Variants in GLIS3 observed in about 807,000 individuals in gnomAD.
GLIS3 encodes zinc finger protein GLIS3.
In GLIS3, 53 loss-of-function variants were observed where a neutral mutation model predicts 78.6. The observed-to-expected ratio is 0.67, with a 90% CI of 0.54 to 0.85. GLIS3 has a LOEUF of 0.85. Ranked by LOEUF, GLIS3 falls within the 40% of genes least tolerant of loss-of-function variation. The pLI, the probability that GLIS3 is intolerant of heterozygous loss-of-function variation, is 0.00. For synonymous variants in GLIS3, 684 were observed against 509.9 expected (o/e 1.34, Z -4.60); for missense variants, 1,703 against 1,231.1 (o/e 1.38, Z -5.74).
chr9:3,971,716 A>G (rs981761903), intron 4 of GLIS3, among the ~76,000 whole-genome samples: 1 of 152,298 alleles, frequency 6.6e-6, no homozygotes, highest in African/African-American at 2.4e-5. Flanking sequence ...TTTACACTTA[A>G]GCCTCTAATA....
chr9:4,020,169 AG>A (rs758397379), intron 4 of GLIS3, among the ~76,000 whole-genome samples: 35 of 152,198 alleles, frequency 2.3e-4, no homozygotes, highest in Non-Finnish European at 3.8e-4. Context: ...TTCAAAGCAA[AG>A]GGAACAGCCC....
intron 8 of GLIS3, among the ~76,000 whole-genome samples, chr9:3,857,891 C>T (rs970887811): frequency 5.3e-5 from 8 of 152,096 alleles, no homozygotes; most frequent in African/African-American, 1.7e-4. Context: ...GTGTTTTTAA[C>T]GTGTCTTACA....
chr9:4,217,522 C>T lies in GLIS3; in HGVS notation c.388+68516G>A, dbSNP rs73643718. Among the ~76,000 whole-genome samples, 1,341 of 152,214 alleles carry T rather than the reference C, an allele frequency of 8.8e-3. 24 individuals are homozygous for T. Among genetic ancestry groups the T allele is most frequent in the African/African-American group, 0.031 (1,280 of 41,520 alleles). On this transcript the variant is annotated intron_variant, in intron 2 of 10. Transcript: ENST00000381971. ...CTACTGTCCATGTGTCTCAAGGTAT[C>T]ATCTGCCTATAAAGAGATCAAGAAA...
the GLIS3 span, among the ~76,000 whole-genome samples, chr9:4,366,159 T>C: frequency 0.026 from 3,916 of 152,280 alleles, 182 homozygotes; most frequent in African/African-American, 0.09. Context: ...TGGAATTAAC[T>C]TTAACCGTCC....
intron 4 of GLIS3, among the ~76,000 whole-genome samples, chr9:4,059,823 T>TGAGAGAGAGAGA (rs1323533281): frequency 8.1e-6 from 1 of 123,876 alleles, no homozygotes; most frequent in African/African-American, 3.2e-5. Context: ...TGTGTGTGTG[T>TGAGAGAGAGAGA]GTGTGTGAGA....
At chr9:3,895,190 T>C (rs1299415689) in intron 7 of GLIS3, among the ~76,000 whole-genome samples, 4 of 152,238 alleles carry the variant, frequency 2.6e-5, no homozygotes, top group Non-Finnish European at 5.9e-5. Context: ...CCAGAAGATA[T>C]ACAAGCACTA....
chr9:3,828,318 A>C lies in GLIS3; in HGVS notation c.2747T>G (p.Val916Gly), dbSNP rs773150809. The change falls in exon 11 of 11, where the codon GTG becomes GGG. Residue 916 changes from valine to glycine, a missense_variant. Transcript: ENST00000381971. ...GGAGAGCTGGCTAGGACAGCGGTCC[A>C]CGGTGCTGATCTGCAAGAAGGTAGC... ...EDATFLQIST[V>G]DRCPSQLSSV... 4 of 1,613,584 alleles carry C rather than the reference A, an allele frequency of 2.5e-6. No individual in the cohort carries two copies. The East Asian group carries it at 8.9e-5, about 36-fold the overall frequency.
At chr9:4,460,252 T>G in the GLIS3 span, among the ~76,000 whole-genome samples, 1 of 152,122 alleles carries the variant, frequency 6.6e-6, no homozygotes, top group African/African-American at 2.4e-5. Flanking sequence ...AAAAGAAAGA[T>G]GACATCTGCA....
At chr9:4,058,077 TC>T (rs934653498) in intron 4 of GLIS3, among the ~76,000 whole-genome samples, 4 of 152,070 alleles carry the variant, frequency 2.6e-5, no homozygotes, top group Non-Finnish European at 5.9e-5. Flanking sequence ...AAAGAGAACA[TC>T]CCCTGATGCA....
At chr9:3,953,377 C>T (rs1024062304) in intron 4 of GLIS3, among the ~76,000 whole-genome samples, 5 of 152,092 alleles carry the variant, frequency 3.3e-5, no homozygotes, top group African/African-American at 1.2e-4. Flanking sequence ...TTTATGTGAT[C>T]AATATTGTAC....
intron 7 of GLIS3, among the ~76,000 whole-genome samples, chr9:3,893,032 T>A (rs1822565972): frequency 6.6e-6 from 1 of 152,192 alleles, no homozygotes; most frequent in African/African-American, 2.4e-5. Context: ...GGGTTTGTTG[T>A]ACACATTGTT....
chr9:4,129,449 TG>T (rs1832803056), intron 2 of GLIS3, among the ~76,000 whole-genome samples: 1 of 151,714 alleles, frequency 6.6e-6, no homozygotes, highest in South Asian at 2.1e-4. Flanking sequence ...TCATGGGGGG[TG>T]GATCCTTCAT....
At chr9:3,946,367 A>C (rs1816296896) in intron 4 of GLIS3, among the ~76,000 whole-genome samples, 1 of 152,218 alleles carries the variant, frequency 6.6e-6, no homozygotes, top group Non-Finnish European at 1.5e-5. Context: ...ACTCCTTGTA[A>C]GAATGCATAT....
At chr9:4,408,144 G>T in the GLIS3 span, among the ~76,000 whole-genome samples, 7 of 152,178 alleles carry the variant, frequency 4.6e-5, no homozygotes, top group Non-Finnish European at 1.0e-4. Context: ...GGAGAAAAGG[G>T]AACCCTCGTA....
the GLIS3 span, among the ~76,000 whole-genome samples, chr9:4,427,504 G>A: frequency 1.3e-5 from 2 of 152,148 alleles, no homozygotes; most frequent in African/African-American, 4.8e-5. Flanking sequence ...CCCAGTCCCA[G>A]ATAACAACTG....
rs191455634 is a variant in GLIS3 at position 4,298,320 on chromosome 9, A to G, written c.-99+1101T>C. 102 of 455,476 alleles carry G rather than the reference A, an allele frequency of 2.2e-4. 1 individual carries two copies. The East Asian group carries it at 6.1e-3, about 27-fold the overall frequency. 28.2% of individuals were successfully genotyped at this position (455,476 alleles called of 1,614,324 possible). On this transcript the variant is annotated intron_variant, in intron 1 of 10. Coordinates refer to ENST00000381971, the MANE Select transcript of GLIS3 (RefSeq NM_001042413.2). Reference sequence around the variant, plus strand: ...CGCTTCTCGCCTCCCAAACACCTCCAGCAAGTCGGAGGGCGCGAACGCGGA... The same window carrying G: ...CGCTTCTCGCCTCCCAAACACCTCCGGCAAGTCGGAGGGCGCGAACGCGGA...
intron 2 of GLIS3, among the ~76,000 whole-genome samples, chr9:4,248,907 A>G (rs995244395): frequency 1.6e-4 from 24 of 152,134 alleles, no homozygotes; most frequent in South Asian, 1.2e-3. Flanking sequence ...GTCTGTTCGT[A>G]TACTTCAACC....
chr9:4,103,594 C>G (rs1425288128), intron 4 of GLIS3, among the ~76,000 whole-genome samples: 2 of 152,194 alleles, frequency 1.3e-5, no homozygotes, highest in Admixed American at 1.3e-4. Context: ...TTCCTGGACT[C>G]TGTCATCCCC....
intron 4 of GLIS3, among the ~76,000 whole-genome samples, chr9:4,028,790 G>A (rs1823566809): frequency 6.6e-6 from 1 of 152,152 alleles, no homozygotes; most frequent in Non-Finnish European, 1.5e-5. Context: ...TGTAGCTAAT[G>A]AGCTAAGTCA....
Sources: gnomAD v4.1 joint callset for allele counts (sites outside exome capture counted in the v4.1 genomes callset) on GRCh38, gnomAD v4.1.1 for gene constraint, MANE v1.5 for transcripts, NCBI Gene and HGNC (gene_info 2026-07-23, HGNC 2026-07-21) for gene names.